Variants in SPOPL observed in about 807,000 individuals in gnomAD.
SPOPL encodes the protein speckle type BTB/POZ protein like.
A neutral mutation model predicts 53.8 loss-of-function variants in SPOPL; 23 were observed. The observed-to-expected ratio is 0.43, with a 90% CI of 0.31 to 0.61. The LOEUF (loss-of-function observed/expected upper bound fraction) is 0.61. Ranked by LOEUF, SPOPL falls within the 20% of genes least tolerant of loss-of-function variation. The pLI, the probability that SPOPL is intolerant of heterozygous loss-of-function variation, is 0.12. For synonymous variants in SPOPL, 164 were observed against 149.7 expected (o/e 1.10, Z -0.70); for missense variants, 442 against 466.9 (o/e 0.95, Z 0.49).
intron 1 of SPOPL, among the ~76,000 whole-genome samples, chr2:138,529,497 CCTGT>C (rs1558867454): frequency 1.2e-5 from 1 of 85,540 alleles, no homozygotes; most frequent in African/African-American, 4.2e-5. Flanking sequence ...TATGCATGTG[CCTGT>C]GTGTGTGTGT....
At chr2:138,503,766 G>C (rs529392719) in intron 1 of SPOPL, among the ~76,000 whole-genome samples, 1 of 152,282 alleles carries the variant, frequency 6.6e-6, no homozygotes, top group Non-Finnish European at 1.5e-5. Flanking sequence ...TGGAAAATGA[G>C]ATTTTACAGA....
At position 138,503,053 on chromosome 2, in the gene SPOPL, ACT is replaced by A. The variant is rs544152925; in HGVS notation, c.-61+935_-61+936del. The stretch of plus-strand genomic sequence containing the variant: ...CACTTTCCCACTTGCAATTGAATCC[ACT>A]GTTTCTTGGACTAGAAACTGACAGA... On this transcript the variant is annotated intron_variant, in intron 1 of 10. Transcript: ENST00000280098. 5.3e-5 allele frequency among the ~76,000 whole-genome samples: 8 copies of A among 152,252 alleles called. No individual in the cohort carries two copies. In the South Asian group the frequency reaches 1.7e-3, roughly 32 times the overall value.
At chr2:138,515,900 T>C (rs1203533460) in intron 1 of SPOPL, among the ~76,000 whole-genome samples, 1 of 152,236 alleles carries the variant, frequency 6.6e-6, no homozygotes, top group Non-Finnish European at 1.5e-5. Context: ...TGGTAAATAC[T>C]TGTGCTCTAC....
chr2:138,540,567 G>A (rs1685048082), intron 1 of SPOPL, among the ~76,000 whole-genome samples: 1 of 152,212 alleles, frequency 6.6e-6, no homozygotes, highest in African/African-American at 2.4e-5. Flanking sequence ...GTATAAGAAT[G>A]CTTGTGATTT....
chr2:138,532,684 T>C (rs570710488), intron 1 of SPOPL, among the ~76,000 whole-genome samples: 67 of 150,614 alleles, frequency 4.4e-4, no homozygotes, highest in Middle Eastern at 3.4e-3. Context: ...CCTCGTGATC[T>C]GCCCGCCTCG....
chr2:138,562,669 A>C (rs1685574805), intron 8 of SPOPL, among the ~76,000 whole-genome samples: 1 of 151,302 alleles, frequency 6.6e-6, no homozygotes, highest in African/African-American at 2.4e-5. Flanking sequence ...CTGTAATCCC[A>C]GTTTCTTGGG....
intron 1 of SPOPL, among the ~76,000 whole-genome samples, chr2:138,514,982 C>T (rs1398020255): frequency 6.6e-6 from 1 of 152,120 alleles, no homozygotes; most frequent in Non-Finnish European, 1.5e-5. Context: ...TACCCTTGGT[C>T]CCCTCCTTTG....
chr2:138,564,665 A>G, intron 8 of SPOPL, 43 bp from the exon 9 acceptor site: 1 of 1,605,976 alleles, frequency 6.2e-7, no homozygotes, highest in Non-Finnish European at 8.5e-7. Context: ...TCAGGAACTT[A>G]GTTGGAGTAA....
At chr2:138,568,084 G>A (rs984982903) in intron 10 of SPOPL, among the ~76,000 whole-genome samples, 1 of 152,070 alleles carries the variant, frequency 6.6e-6, no homozygotes, top group African/African-American at 2.4e-5. Flanking sequence ...ACAATGAAGA[G>A]GGCCTCATAT....
intron 1 of SPOPL, among the ~76,000 whole-genome samples, chr2:138,544,882 C>A (rs868463450): frequency 3.9e-4 from 60 of 152,192 alleles, no homozygotes; most frequent in African/African-American, 1.4e-3. Flanking sequence ...GCTCCACCCC[C>A]CACCTGTTTT....
In SPOPL at chr2:138,564,996, A is replaced by G. The variant is rs1475512033; in HGVS notation, c.1034+3A>G. ...GATGGGAAAAACTGGAACAGCAAGT[A>G]AGATGACATCAGTTTCTGACTCAAA... is the stretch of plus-strand genomic sequence containing the variant. On this transcript the variant is annotated splice_donor_region_variant and intron_variant, in intron 10 of 10. Transcript: ENST00000280098. 1.2e-6 allele frequency: 2 copies of G among 1,613,980 alleles called. No individual in the cohort carries two copies. The highest frequency in any genetic ancestry group is 1.7e-6 in the Non-Finnish European group (2 of 1,179,996).
In SPOPL at chr2:138,540,540, CTCTG is replaced by C. The variant is rs200509660; in HGVS notation, c.-60-9611_-60-9608del. ...ATGGGAGTTCACTCATGATTTGGTT[CTCTG>C]TCTGTTATTGGTGTATAAGAATGCT... On this transcript the variant is annotated intron_variant, in intron 1 of 10. Transcript: ENST00000280098. Among the ~76,000 whole-genome samples, 681 of 151,762 alleles carry C rather than the reference CTCTG, an allele frequency of 4.5e-3. 29 individuals are homozygous for C. The East Asian group carries it at 0.093, about 21-fold the overall frequency.
rs376249284 is a variant in SPOPL at position 138,535,968 on chromosome 2, G to A, written c.-60-14189G>A. Among the ~76,000 whole-genome samples, 163 of 151,386 alleles carry A rather than the reference G, an allele frequency of 1.1e-3. 4 individuals are homozygous for A. The South Asian group carries it at 0.033, about 31-fold the overall frequency. ...TGGTTCAGCTCCAGAATTTTTATTT[G>A]GTTCTTTTAAAAAAAATAACCTTTA... On this transcript the variant is annotated intron_variant, in intron 1 of 10. Transcript: ENST00000280098.
intron 1 of SPOPL, among the ~76,000 whole-genome samples, chr2:138,523,130 A>G (rs1406572054): frequency 6.6e-6 from 1 of 152,224 alleles, no homozygotes; most frequent in African/African-American, 2.4e-5. Context: ...CGGGCAGTTT[A>G]CAAAAGAAAG....
chr2:138,506,536 T>C (rs993050256), intron 1 of SPOPL, among the ~76,000 whole-genome samples: 5 of 152,092 alleles, frequency 3.3e-5, no homozygotes, highest in African/African-American at 1.2e-4. Context: ...GAAAAATTGA[T>C]AGGATTTAGA....
At chr2:138,520,720 T>A (rs1290978631) in intron 1 of SPOPL, among the ~76,000 whole-genome samples, 1 of 152,090 alleles carries the variant, frequency 6.6e-6, no homozygotes, top group Non-Finnish European at 1.5e-5. Context: ...AATGATTTTT[T>A]AAAAAAAGAA....
intron 1 of SPOPL, among the ~76,000 whole-genome samples, chr2:138,515,630 A>G (rs114073700): frequency 0.011 from 1,652 of 152,308 alleles, 33 homozygotes; most frequent in African/African-American, 0.037. Flanking sequence ...TTCAGTGTTA[A>G]GATTGTAATT....
intron 1 of SPOPL, among the ~76,000 whole-genome samples, chr2:138,541,086 A>G (rs566182073): frequency 5.3e-5 from 8 of 152,174 alleles, no homozygotes; most frequent in Non-Finnish European, 1.2e-4. Context: ...CAACCCAGGG[A>G]TGAAGCCCAC....
At chr2:138,552,249 A>G (rs905169318) in intron 4 of SPOPL, among the ~76,000 whole-genome samples, 16 of 151,990 alleles carry the variant, frequency 1.1e-4, no homozygotes, top group African/African-American at 3.4e-4. Flanking sequence ...TTTAGGGCCA[A>G]TCTTAGATTG....
Sources: allele counts gnomAD v4.1 joint callset (sites outside exome capture counted in the v4.1 genomes callset), GRCh38; gene constraint gnomAD v4.1.1; transcripts MANE v1.5; gene names NCBI Gene and HGNC (gene_info 2026-07-23, HGNC 2026-07-21).